Variants in CSMD1 observed in about 807,000 individuals in gnomAD.
CSMD1 encodes the protein CUB and Sushi multiple domains 1.
A neutral mutation model predicts 417.5 loss-of-function variants in CSMD1; 213 were observed. The ratio of observed to expected loss-of-function variants is 0.51; its 90% CI spans 0.46 to 0.57. The LOEUF (loss-of-function observed/expected upper bound fraction) is 0.57, where lower values mean the gene tolerates loss of function less well. Among genes scored for constraint, CSMD1 ranks in the 20% least tolerant of loss-of-function variants. The pLI, the probability that CSMD1 is intolerant of heterozygous loss-of-function variation, is 0.00. For synonymous variants in CSMD1, 2,862 were observed against 1,736.8 expected (o/e 1.65, Z -16.11); for missense variants, 6,923 against 4,529.7 (o/e 1.53, Z -15.17).
chr8:4,681,426 A>C (rs1049201582), intron 1 of CSMD1, among the ~76,000 whole-genome samples: 6 of 152,166 alleles, frequency 3.9e-5, no homozygotes, highest in Non-Finnish European at 7.3e-5. Flanking sequence ...CATCTTTACA[A>C]AACCCCAGCT....
chr8:4,949,142 C>T (rs1040100313), intron 1 of CSMD1, among the ~76,000 whole-genome samples: 2 of 151,862 alleles, frequency 1.3e-5, no homozygotes, highest in East Asian at 3.9e-4. Context: ...TGTTAAACTG[C>T]CTTTGTATTC....
At position 3,671,540 on chromosome 8, in the gene CSMD1, TATATGATC is replaced by T. The variant is rs1799052426; in HGVS notation, c.1009+36866_1009+36873del. ...TCATATATATGATCATATATATATA[TATATGATC>T]ATATATATGATCATATATATATATA... On this transcript the variant is annotated intron_variant, in intron 7 of 69. Coordinates refer to ENST00000635120, the MANE Select transcript of CSMD1 (RefSeq NM_033225.6). Among the ~76,000 whole-genome samples the T allele has an allele frequency of 1.0e-3, 7 of 6,954 alleles. 1 individual carries two copies. Among genetic ancestry groups the T allele is most frequent in the Middle Eastern group, 0.077 (2 of 26 alleles). The allele number at this position is 6,954 out of a possible 152,430, so 4.6% of individuals were successfully genotyped here. A position where few individuals can be genotyped will look rare whatever the true frequency, so the allele number is the denominator to read the frequency against.
At chr8:2,983,941 A>G (rs1365689783) in intron 54 of CSMD1, among the ~76,000 whole-genome samples, 1 of 152,238 alleles carries the variant, frequency 6.6e-6, no homozygotes, top group Admixed American at 6.5e-5. Flanking sequence ...CTAAGCTTTT[A>G]TGTGAAATTA....
chr8:3,604,668 G>T (rs10093675), intron 8 of CSMD1, among the ~76,000 whole-genome samples: 2 of 152,090 alleles, frequency 1.3e-5, no homozygotes, highest in African/African-American at 2.4e-5. Context: ...AATACAGGAG[G>T]GGAAGAGCTA....
intron 2 of CSMD1, among the ~76,000 whole-genome samples, chr8:4,548,623 T>G (rs963271158): frequency 6.6e-6 from 1 of 152,212 alleles, no homozygotes; most frequent in African/African-American, 2.4e-5. Flanking sequence ...CAAATGGCTT[T>G]TTTTCCCCAC....
intron 42 of CSMD1, among the ~76,000 whole-genome samples, chr8:3,114,213 C>T (rs1285188547): frequency 6.6e-6 from 1 of 152,162 alleles, no homozygotes; most frequent in Non-Finnish European, 1.5e-5. Flanking sequence ...CACTGCACTC[C>T]AGCCTGGGCA....
At chr8:4,671,590 A>C (rs371451407) in intron 1 of CSMD1, among the ~76,000 whole-genome samples, 1 of 152,222 alleles carries the variant, frequency 6.6e-6, no homozygotes, top group Non-Finnish European at 1.5e-5. Flanking sequence ...AATAGTCTCA[A>C]ACAACGTTAT....
At chr8:3,970,004 T>G (rs1011330632) in intron 5 of CSMD1, among the ~76,000 whole-genome samples, 4 of 152,226 alleles carry the variant, frequency 2.6e-5, no homozygotes, top group African/African-American at 9.6e-5. Flanking sequence ...ATTCAGTAAT[T>G]TGGCAATAAT....
Position 3,110,256 on chromosome 8 carries a change from C to T in CSMD1, c.6510G>A (p.Lys2170=). 1 of 1,613,432 alleles carries T rather than the reference C, an allele frequency of 6.2e-7. No homozygotes were observed. Among genetic ancestry groups the T allele is most frequent in the East Asian group, 2.2e-5 (1 of 44,864 alleles). Residue 2170 remains lysine (K), a synonymous_variant, in exon 43 of 70, where the codon AAG becomes AAA. Coordinates refer to ENST00000635120, the MANE Select transcript of CSMD1 (RefSeq NM_033225.6). ...GCACCGTGATGAGCCAAATGCAGTC[C>T]TTCAGGATCGGATACTCATCAGGAA... ...PGFPDEYPIL[K]DCIWLITVPP... is the part of the protein sequence containing the mutation.
In CSMD1 at chr8:4,002,180, GC is replaced by G. The variant is rs1815734460; in HGVS notation, c.611-4071del. Among the ~76,000 whole-genome samples, 8 of 152,080 alleles carry G rather than the reference GC, an allele frequency of 5.3e-5. No individual in the cohort carries two copies. The South Asian group carries it at 1.7e-3, about 32-fold the overall frequency. On this transcript the variant is annotated intron_variant, in intron 4 of 69. Coordinates refer to ENST00000635120, the MANE Select transcript of CSMD1 (RefSeq NM_033225.6). ...CAGAAAATCTTTAGCACAGAATGAG[GC>G]AAAATTAGTGTTGGTGCCTGTGAGT...
intron 3 of CSMD1, among the ~76,000 whole-genome samples, chr8:4,115,611 G>C (rs76290942): frequency 2.6e-4 from 40 of 152,026 alleles, no homozygotes; most frequent in African/African-American, 8.9e-4. Flanking sequence ...AAATATATAC[G>C]TGATCAAACT....
At chr8:4,603,306 G>C (rs966742824) in intron 2 of CSMD1, among the ~76,000 whole-genome samples, 2 of 151,236 alleles carry the variant, frequency 1.3e-5, no homozygotes, top group Non-Finnish European at 3.0e-5. Flanking sequence ...TTCCTTTTTT[G>C]TATTCAACTC....
intron 1 of CSMD1, among the ~76,000 whole-genome samples, chr8:4,666,876 C>T (rs190781658): frequency 2.0e-5 from 3 of 151,978 alleles, no homozygotes; most frequent in Non-Finnish European, 2.9e-5. Flanking sequence ...TATCAAACTC[C>T]TATTTTAGTG....
intron 41 of CSMD1, chr8:3,128,576 T>A (rs1282832013): frequency 3.6e-6 from 1 of 281,112 alleles, no homozygotes; most frequent in Non-Finnish European, 7.0e-6. Flanking sequence ...AATGTTTATT[T>A]GACTTACATA....
intron 5 of CSMD1, among the ~76,000 whole-genome samples, chr8:3,791,838 T>C (rs548686896): frequency 6.9e-6 from 1 of 145,402 alleles, no homozygotes; most frequent in Non-Finnish European, 1.5e-5. Context: ...ATAATAATAA[T>C]AAAAAAATAA....
At chr8:4,640,096 T>C (rs577749479) in intron 1 of CSMD1, among the ~76,000 whole-genome samples, 41 of 152,296 alleles carry the variant, frequency 2.7e-4, no homozygotes, top group African/African-American at 9.6e-4. Context: ...TATAGACCCA[T>C]CAGGTTGAAT....
At chr8:3,277,176 G>A (rs973255246) in intron 26 of CSMD1, among the ~76,000 whole-genome samples, 2 of 152,108 alleles carry the variant, frequency 1.3e-5, no homozygotes, top group African/African-American at 4.8e-5. Flanking sequence ...GATTGAGGAT[G>A]ATGTTGAAAA....
At chr8:4,427,402 T>C (rs980870401) in intron 2 of CSMD1, among the ~76,000 whole-genome samples, 2 of 151,962 alleles carry the variant, frequency 1.3e-5, no homozygotes, top group Admixed American at 6.6e-5. Flanking sequence ...CCTAGGTACC[T>C]TGGGGTCATA....
At position 4,010,487 on chromosome 8, in the gene CSMD1, C is replaced by T. The variant is rs541748924; in HGVS notation, c.611-12377G>A. Among the ~76,000 whole-genome samples the T allele has an allele frequency of 2.0e-5, 3 of 152,270 alleles. No individual in the cohort carries two copies. In the South Asian group the frequency reaches 6.2e-4, roughly 32 times the overall value. ...TCTTTGATTAATTCTCCCCTCTCTT[C>T]CAACAGCCCAACTCTACCTCAGCCA... On this transcript the variant is annotated intron_variant, in intron 4 of 69. Transcript: ENST00000635120.
Sources: allele counts gnomAD v4.1 joint callset (sites outside exome capture counted in the v4.1 genomes callset), GRCh38; gene constraint gnomAD v4.1.1; transcripts MANE v1.5; gene names NCBI Gene and HGNC (gene_info 2026-07-23, HGNC 2026-07-21).